PDE3B: variants seen among roughly 807,000 people sequenced by gnomAD.
The protein encoded by PDE3B is cGMP-inhibited 3',5'-cyclic phosphodiesterase 3B.
Under a neutral mutation model 116.8 loss-of-function variants are expected in PDE3B, and 66 were observed. That is an observed-to-expected ratio of 0.56 (90% CI 0.46 to 0.69). The LOEUF (loss-of-function observed/expected upper bound fraction) is 0.69, where lower values mean the gene tolerates loss of function less well. PDE3B is among the 30% of genes least tolerant of loss of function. The pLI, the probability that PDE3B is intolerant of heterozygous loss-of-function variation, is 0.00. For missense variants in PDE3B, 1,384 were observed against 1,368.1 expected, an observed-to-expected ratio of 1.01 and a Z score of -0.18; for synonymous variants, 595 against 533.6, an observed-to-expected ratio of 1.12 and a Z score of -1.59.
chr11:14,815,676 A>T (rs1590168212), intron 5 of PDE3B, among the ~76,000 whole-genome samples: 1 of 152,284 alleles, frequency 6.6e-6, no homozygotes, highest in East Asian at 1.9e-4. Flanking sequence ...TTTGATAAGA[A>T]GCTAGTCACA....
chr11:14,644,905 G>A lies in PDE3B; in HGVS notation c.830G>A (p.Arg277Gln), dbSNP rs762967876. ...FQIREAPLHP[R>Q]LSSAAEEKVP... ...ATCAGGGAAGCGCCTCTTCATCCTC[G>A]ACTGTCCAGTGCCGCCGAAGAAAAA... The change falls in exon 1 of 16, where the codon CGA becomes CAA. Residue 277 changes from arginine to glutamine, a missense_variant. Physicochemically the swap from Arg to Gln is conservative, Grantham distance 43 (BLOSUM62 1). This residue lies in a region of PDE3B where 956 missense variants were observed against 806.8 expected (regional missense o/e 1.18). Coordinates refer to ENST00000282096, the MANE Select transcript of PDE3B (RefSeq NM_000922.4). 1 of 1,614,104 alleles carries A rather than the reference G, an allele frequency of 6.2e-7. No individual in the cohort carries two copies. Among genetic ancestry groups the A allele is most frequent in the Non-Finnish European group, 8.5e-7 (1 of 1,180,022 alleles).
At chr11:14,848,040 G>C (rs545144362) in intron 12 of PDE3B, among the ~76,000 whole-genome samples, 1 of 151,284 alleles carries the variant, frequency 6.6e-6, no homozygotes, top group Admixed American at 6.6e-5. Flanking sequence ...AACCAAAAAA[G>C]AGAATTTTAG....
rs562655671 is a variant in PDE3B at position 14,672,028 on chromosome 11, A to T, written c.978+26975A>T. Among the ~76,000 whole-genome samples, 1,358 of 140,772 alleles carry T rather than the reference A, an allele frequency of 9.6e-3. 8 individuals are homozygous for T. Among genetic ancestry groups the T allele is most frequent in the East Asian group, 0.015 (76 of 4,944 alleles). The allele number at this position is 140,772 out of a possible 152,430, so 92.4% of individuals were successfully genotyped here. Reference sequence around the variant, plus strand: ...TGAGACCTTGTCTTGAAAAAAAAAAAATATATATATATATATACATATATA... The same window carrying T: ...TGAGACCTTGTCTTGAAAAAAAAAATATATATATATATATATACATATATA... On this transcript the variant is annotated intron_variant, in intron 1 of 15. Coordinates refer to ENST00000282096, the MANE Select transcript of PDE3B (RefSeq NM_000922.4).
At chr11:14,647,573 T>G (rs1334628034) in intron 1 of PDE3B, among the ~76,000 whole-genome samples, 2 of 152,024 alleles carry the variant, frequency 1.3e-5, no homozygotes, top group Non-Finnish European at 2.9e-5. Context: ...TGCTAACCTA[T>G]ACTTTCCAAG....
intron 1 of PDE3B, among the ~76,000 whole-genome samples, chr11:14,703,936 T>A (rs984912592): frequency 6.6e-6 from 1 of 151,736 alleles, no homozygotes; most frequent in African/African-American, 2.4e-5. Context: ...ATAGTTTAGC[T>A]GGGTATAGAA....
the PDE3B span, chr11:14,892,085 G>A: frequency 7.4e-6 from 12 of 1,611,932 alleles, no homozygotes; most frequent in Admixed American, 3.3e-5. Context: ...GGCGGCCCCG[G>A]GGGGAAGCCC....
At chr11:14,650,371 T>C (rs1478416921) in intron 1 of PDE3B, among the ~76,000 whole-genome samples, 1 of 152,068 alleles carries the variant, frequency 6.6e-6, no homozygotes, top group African/African-American at 2.4e-5. Context: ...CCCAGCTAAT[T>C]TTTGTATCTT....
intron 1 of PDE3B, among the ~76,000 whole-genome samples, chr11:14,661,345 A>C (rs1853900181): frequency 6.6e-6 from 1 of 152,254 alleles, no homozygotes. Context: ...GCCGAATAGG[A>C]ACAGCTCCGG....
At chr11:14,849,220 AAAAC>A (rs1157066322) in intron 12 of PDE3B, among the ~76,000 whole-genome samples, 3 of 152,226 alleles carry the variant, frequency 2.0e-5, no homozygotes, top group Non-Finnish European at 4.4e-5. Context: ...AAACCTGAGA[AAAAC>A]AAGCAATGGG....
chr11:14,836,109 T>C lies in PDE3B; in HGVS notation c.2320+1014T>C, dbSNP rs146510903. On this transcript the variant is annotated intron_variant, in intron 11 of 15. Coordinates refer to ENST00000282096, the MANE Select transcript of PDE3B (RefSeq NM_000922.4). ...TTTATGTCACTGGTTCATTTTTGTC[T>C]GCCATCTGTATTTATTCTTTCTAGT... is the stretch of plus-strand genomic sequence containing the variant. Among the ~76,000 whole-genome samples the C allele has an allele frequency of 2.7e-3, 405 of 152,364 alleles. 2 individuals are homozygous for C. The highest frequency in any genetic ancestry group is 9.2e-3 in the African/African-American group (383 of 41,594).
At chr11:14,735,521 A>G (rs933489671) in intron 1 of PDE3B, among the ~76,000 whole-genome samples, 1 of 152,234 alleles carries the variant, frequency 6.6e-6, no homozygotes, top group African/African-American at 2.4e-5. Context: ...CGAAAAGGTG[A>G]AAGAAAACAC....
the PDE3B span, among the ~76,000 whole-genome samples, chr11:14,881,063 T>G: frequency 6.6e-6 from 1 of 152,094 alleles, no homozygotes; most frequent in Admixed American, 6.6e-5. Flanking sequence ...GACTATATTA[T>G]CCAACTTTTA....
At chr11:14,801,379 C>G (rs976955877) in intron 4 of PDE3B, among the ~76,000 whole-genome samples, 1 of 152,250 alleles carries the variant, frequency 6.6e-6, no homozygotes, top group Non-Finnish European at 1.5e-5. Flanking sequence ...TTCCTTCTAA[C>G]AGTCAGGCCC....
chr11:14,779,292 C>T (rs944148189), intron 2 of PDE3B, among the ~76,000 whole-genome samples: 1 of 152,152 alleles, frequency 6.6e-6, no homozygotes, highest in African/African-American at 2.4e-5. Context: ...GGAAGGCCAA[C>T]ATTCAAATTC....
intron 7 of PDE3B, among the ~76,000 whole-genome samples, chr11:14,827,803 T>C (rs1434938645): frequency 6.6e-6 from 1 of 151,968 alleles, no homozygotes; most frequent in Non-Finnish European, 1.5e-5. Context: ...ATCACAAAAC[T>C]AGAAAAAGCT....
chr11:14,743,402 C>T (rs1488558120), intron 1 of PDE3B, among the ~76,000 whole-genome samples: 2 of 152,190 alleles, frequency 1.3e-5, no homozygotes, highest in Non-Finnish European at 2.9e-5. Context: ...ATGGCAGACA[C>T]CCCTTCCCCC....
chr11:14,683,023 C>T (rs911228735), intron 1 of PDE3B, among the ~76,000 whole-genome samples: 5 of 151,742 alleles, frequency 3.3e-5, no homozygotes, highest in South Asian at 2.1e-4. Flanking sequence ...CCACAACCTC[C>T]GCCTCCCAGG....
At chr11:14,800,887 T>C (rs1858738196) in intron 4 of PDE3B, among the ~76,000 whole-genome samples, 2 of 152,124 alleles carry the variant, frequency 1.3e-5, no homozygotes, top group African/African-American at 4.8e-5. Flanking sequence ...TCTTCTTGCT[T>C]TATTTCATCA....
In PDE3B at chr11:14,729,575, T is replaced by C. The variant is rs1022763421; in HGVS notation, c.979-42362T>C. On this transcript the variant is annotated intron_variant, in intron 1 of 15. Transcript: ENST00000282096. ...ATAAAATGCCAAGATTTTATAATTT[T>C]CTATGTTTAAATTTGCAAGTAAAAA... Among the ~76,000 whole-genome samples the C allele has an allele frequency of 1.4e-4, 21 of 152,224 alleles. 1 individual carries two copies. The highest frequency in any genetic ancestry group is 1.4e-3 in the Admixed American group (21 of 15,288).
Sources: allele counts gnomAD v4.1 joint callset (sites outside exome capture counted in the v4.1 genomes callset), GRCh38; gene constraint gnomAD v4.1.1; regional missense constraint gnomAD v4.1.1; transcripts MANE v1.5; gene names NCBI Gene and HGNC (gene_info 2026-07-23, HGNC 2026-07-21).